Variants in TAOK1 observed in about 807,000 individuals in gnomAD.
TAOK1 encodes serine/threonine-protein kinase TAO1.
TAOK1 carries 21 observed loss-of-function variants against 138.3 expected under a neutral mutation model. The ratio of observed to expected loss-of-function variants is 0.15; its 90% CI spans 0.11 to 0.22. The LOEUF is 0.22. Ranked by LOEUF, TAOK1 falls within the 10% of genes least tolerant of loss-of-function variation. The probability of loss-of-function intolerance (pLI) is 1.00; values close to 1 mark genes in which losing one functional copy is unlikely to be tolerated. For synonymous variants in TAOK1, 361 were observed against 398.4 expected (o/e 0.91, Z 1.12); for missense variants, 651 against 1,227.7 (o/e 0.53, Z 7.02).
chr17:29,403,383 C>T (rs574422180), intron 1 of TAOK1, among the ~76,000 whole-genome samples: 2 of 152,088 alleles, frequency 1.3e-5, no homozygotes, highest in South Asian at 2.1e-4. Context: ...AAGGTTTTTC[C>T]GTTTTTAGAC....
intron 12 of TAOK1, among the ~76,000 whole-genome samples, chr17:29,499,560 C>CT (rs200387206): frequency 0.3 from 33,023 of 108,500 alleles, 5,340 homozygotes; most frequent in East Asian, 0.63. Context: ...TTCTTTCTTT[C>CT]TTTCTTTTTT....
At chr17:29,450,782 C>G (rs2030211597) in intron 1 of TAOK1, among the ~76,000 whole-genome samples, 1 of 152,198 alleles carries the variant, frequency 6.6e-6, no homozygotes, top group Non-Finnish European at 1.5e-5. Context: ...TCCCAAAGAG[C>G]TGGGATTACA....
intron 3 of TAOK1, among the ~76,000 whole-genome samples, chr17:29,468,007 A>G (rs1212405556): frequency 6.6e-6 from 1 of 150,974 alleles, no homozygotes; most frequent in African/African-American, 2.4e-5. Context: ...TTGTATTTTT[A>G]GTAGAGACAG....
rs780816658 is a variant in TAOK1, at chr17:29,477,755, A to G, written c.352+49A>G. The G allele has an allele frequency of 5.1e-6, 6 of 1,169,808 alleles. No homozygotes were observed. The African/African-American group carries it at 8.0e-5, about 16-fold the overall frequency. The allele number at this position is 1,169,808 out of a possible 1,614,324, so 72.5% of individuals were successfully genotyped here. A position where few individuals can be genotyped will look rare whatever the true frequency, so the allele number is the denominator to read the frequency against. On this transcript the variant is annotated intron_variant, in intron 5 of 19. Coordinates refer to ENST00000261716, the MANE Select transcript of TAOK1 (RefSeq NM_020791.4). ...TAAAAAGTATTCACAGAATAAAATGATAATTTAGACATTATTTAAATGATA... is the reference window on the plus strand; with the variant it reads ...TAAAAAGTATTCACAGAATAAAATGGTAATTTAGACATTATTTAAATGATA...
At chr17:29,484,045 A>G (rs975338376) in intron 8 of TAOK1, among the ~76,000 whole-genome samples, 5 of 152,176 alleles carry the variant, frequency 3.3e-5, no homozygotes, top group African/African-American at 1.2e-4. Flanking sequence ...TTTAAGATTT[A>G]TTTGATTAGA....
At chr17:29,408,476 A>G (rs1905056341) in intron 1 of TAOK1, among the ~76,000 whole-genome samples, 1 of 152,022 alleles carries the variant, frequency 6.6e-6, no homozygotes, top group Non-Finnish European at 1.5e-5. Context: ...TTGGCCTCCC[A>G]AACTGTTGAG....
intron 1 of TAOK1, among the ~76,000 whole-genome samples, chr17:29,397,698 TATGC>T (rs1904690319): frequency 3.3e-5 from 3 of 91,864 alleles, no homozygotes; most frequent in African/African-American, 1.3e-4. Flanking sequence ...TATATTCATG[TATGC>T]ATACATGAAT....
intron 1 of TAOK1, among the ~76,000 whole-genome samples, chr17:29,411,707 C>T (rs1442672362): frequency 2.0e-5 from 3 of 152,014 alleles, no homozygotes; most frequent in African/African-American, 7.2e-5. Flanking sequence ...GAAGTACTTT[C>T]TATATCATAA....
At chr17:29,443,277 A>G (rs2029992788) in intron 1 of TAOK1, among the ~76,000 whole-genome samples, 1 of 152,214 alleles carries the variant, frequency 6.6e-6, no homozygotes, top group South Asian at 2.1e-4. Context: ...TTCAAGGAGC[A>G]TTCCTCAAGT....
At chr17:29,444,114 GA>G (rs569046653) in intron 1 of TAOK1, among the ~76,000 whole-genome samples, 11 of 145,954 alleles carry the variant, frequency 7.5e-5, no homozygotes, top group South Asian at 2.1e-4. Context: ...GACTGTCTCA[GA>G]AAAAAAAAAA....
intron 13 of TAOK1, among the ~76,000 whole-genome samples, chr17:29,503,967 T>C (rs891168896): frequency 6.6e-6 from 1 of 151,914 alleles, no homozygotes; most frequent in African/African-American, 2.4e-5. Flanking sequence ...AAAAATCAGC[T>C]GGGCATGGTG....
At chr17:29,443,893 T>A (rs143909353) in intron 1 of TAOK1, among the ~76,000 whole-genome samples, 2,289 of 152,100 alleles carry the variant, frequency 0.015, 55 homozygotes, top group African/African-American at 0.053. Flanking sequence ...AGCGGGCAGA[T>A]TACCTGAGGT....
chr17:29,460,984 G>A (rs922511166), intron 2 of TAOK1, among the ~76,000 whole-genome samples: 2 of 152,174 alleles, frequency 1.3e-5, no homozygotes, highest in Admixed American at 6.5e-5. Flanking sequence ...TCTGTTGTTT[G>A]CACCTCCTTA....
chr17:29,439,914 T>C (rs2029890510), intron 1 of TAOK1, among the ~76,000 whole-genome samples: 2 of 143,966 alleles, frequency 1.4e-5, no homozygotes, highest in Admixed American at 1.4e-4. Flanking sequence ...GTCTGTAATA[T>C]AATAGTGGGG....
rs71360705 is a variant in TAOK1 at position 29,431,803 on chromosome 17, A to ATT, written c.-94-19632_-94-19631dup. On this transcript the variant is annotated intron_variant, in intron 1 of 19. Coordinates refer to ENST00000261716, the MANE Select transcript of TAOK1 (RefSeq NM_020791.4). The stretch of plus-strand genomic sequence containing the variant: ...AGGTGCCCACCACCATGCCTGGCTA[A>ATT]TTTTTTTTTTTTTTTTTTTTTGAGA... 7.5e-3 allele frequency among the ~76,000 whole-genome samples: 845 copies of ATT among 112,974 alleles called. 18 individuals are homozygous for ATT. The highest frequency in any genetic ancestry group is 0.025 in the Middle Eastern group (5 of 202). The allele number at this position is 112,974 out of a possible 152,430, so 74.1% of individuals were successfully genotyped here.
At chr17:29,435,537 C>T (rs965776168) in intron 1 of TAOK1, among the ~76,000 whole-genome samples, 1 of 152,160 alleles carries the variant, frequency 6.6e-6, no homozygotes, top group Non-Finnish European at 1.5e-5. Flanking sequence ...GGGTGATCCT[C>T]TCCTCTTAAG....
At chr17:29,446,733 T>G (rs1451459446) in intron 1 of TAOK1, among the ~76,000 whole-genome samples, 1 of 135,394 alleles carries the variant, frequency 7.4e-6, no homozygotes, top group South Asian at 2.4e-4. Context: ...GTATTTTTAC[T>G]GTACTTTTTT....
At chr17:29,420,207 G>A (rs977558784) in intron 1 of TAOK1, among the ~76,000 whole-genome samples, 6 of 151,900 alleles carry the variant, frequency 3.9e-5, no homozygotes, top group Admixed American at 6.6e-5. Flanking sequence ...ACGACGCCTG[G>A]CTTAATTTTT....
At chr17:29,415,939 A>G (rs1256729691) in intron 1 of TAOK1, among the ~76,000 whole-genome samples, 1 of 152,104 alleles carries the variant, frequency 6.6e-6, no homozygotes, top group Admixed American at 6.6e-5. Context: ...TTGGCATTGA[A>G]AGATGTCTAT....
Sources: allele counts gnomAD v4.1 joint callset (sites outside exome capture counted in the v4.1 genomes callset), GRCh38; gene constraint gnomAD v4.1.1; transcripts MANE v1.5; gene names NCBI Gene and HGNC (gene_info 2026-07-23, HGNC 2026-07-21).